The following ST3GAL3 variants were observed in gnomAD, a reference collection of about 807,000 sequenced individuals.
ST3GAL3 encodes the protein ST3 beta-galactoside alpha-2,3-sialyltransferase 3.
A neutral mutation model predicts 50.1 loss-of-function variants in ST3GAL3; 21 were observed. The ratio of observed to expected loss-of-function variants is 0.42; its 90% CI spans 0.30 to 0.60. The LOEUF is 0.60. ST3GAL3 is among the 20% of genes least tolerant of loss of function. The pLI, the probability that ST3GAL3 is intolerant of heterozygous loss-of-function variation, is 0.19. For synonymous variants in ST3GAL3, 183 were observed against 190.0 expected (o/e 0.96, Z 0.30); for missense variants, 353 against 489.4 (o/e 0.72, Z 2.63).
chr1:43,823,495 A>G (rs961799543), intron 4 of ST3GAL3, among the ~76,000 whole-genome samples: 1 of 152,214 alleles, frequency 6.6e-6, no homozygotes, highest in South Asian at 2.1e-4. Context: ...TTTTTAGAAC[A>G]TAGTTCAAAT....
At chr1:43,729,910 G>C (rs1345784139) in intron 1 of ST3GAL3, among the ~76,000 whole-genome samples, 2 of 151,408 alleles carry the variant, frequency 1.3e-5, no homozygotes, top group East Asian at 3.9e-4. Flanking sequence ...AATTTTGTTA[G>C]ATATTTTCAA....
Position 43,899,670 on chromosome 1 carries a change from C to G in ST3GAL3, c.687C>G (p.Ala229=). ...AGCGCGATTCTCTCTTTGTCCTCGC[C>G]GGCTTCAAGTGGCAGGACTTTAAGT... ...QYERDSLFVL[A]GFKWQDFKWL... The change falls in exon 9 of 12, where the codon GCC becomes GCG. Residue 229 remains alanine, a synonymous_variant. Transcript: ENST00000347631. This position sits in a 1 kb window ranked among gnomAD's most constrained non-coding sequence, Gnocchi z 5.4. 6.2e-7 allele frequency: 1 copy of G among 1,614,122 alleles called. No individual in the cohort carries two copies. Among genetic ancestry groups the G allele is most frequent in the Non-Finnish European group, 8.5e-7 (1 of 1,180,022 alleles).
intron 2 of ST3GAL3, chr1:43,736,763 G>T (rs1354637272): frequency 9.2e-6 from 3 of 327,264 alleles, no homozygotes; most frequent in Non-Finnish European, 1.8e-5. Context: ...GTTTCCATCT[G>T]CCCTTAAAAC....
At chr1:43,857,573 T>C (rs941167659) in intron 5 of ST3GAL3, among the ~76,000 whole-genome samples, 1 of 68,184 alleles carries the variant, frequency 1.5e-5, no homozygotes, top group Non-Finnish European at 3.0e-5. Flanking sequence ...CCTTCTTTCT[T>C]TCCTTCCTCC....
chr1:43,714,301 A>G (rs1666250117), intron 1 of ST3GAL3, among the ~76,000 whole-genome samples: 1 of 149,354 alleles, frequency 6.7e-6, no homozygotes, highest in Non-Finnish European at 1.5e-5. Flanking sequence ...AAATTTAAAC[A>G]TTGTTGCTGG....
chr1:43,839,880 G>T (rs553596554), intron 5 of ST3GAL3: 8 of 152,116 alleles, frequency 5.3e-5, no homozygotes, highest in Non-Finnish European at 1.2e-4. Flanking sequence ...GAAGTGCTAC[G>T]CACTTTTAAA....
chr1:43,811,927 C>T (rs1040805844), intron 3 of ST3GAL3, among the ~76,000 whole-genome samples: 4 of 152,204 alleles, frequency 2.6e-5, no homozygotes, highest in Non-Finnish European at 5.9e-5. Flanking sequence ...TTTAGAATTA[C>T]GTGATAAGTA....
intron 1 of ST3GAL3, among the ~76,000 whole-genome samples, chr1:43,711,013 C>A (rs1029974784): frequency 1.3e-5 from 2 of 152,184 alleles, no homozygotes; most frequent in African/African-American, 4.8e-5. Context: ...AGCTTTGAAT[C>A]AGGATGGATG....
chr1:43,780,340 T>G (rs1205216531), intron 2 of ST3GAL3, among the ~76,000 whole-genome samples: 2 of 152,074 alleles, frequency 1.3e-5, no homozygotes, highest in Non-Finnish European at 2.9e-5. Context: ...CTGTTTGTAG[T>G]TGTTCTCTCT....
At position 43,893,172 on chromosome 1, in the gene ST3GAL3, G is replaced by T. The variant is rs866233623; in HGVS notation, c.303-1211G>T. On this transcript the variant is annotated intron_variant, in intron 5 of 11. Coordinates refer to ENST00000347631, the MANE Select transcript of ST3GAL3 (RefSeq NM_006279.5). The stretch of plus-strand genomic sequence containing the variant: ...GATACTATTCCTCCTGGGACTGCTG[G>T]TTATAATGGTGTTAGTGATGATAGG... Among the ~76,000 whole-genome samples, 3 of 152,326 alleles carry T rather than the reference G, an allele frequency of 2.0e-5. No individual in the cohort carries two copies. In the East Asian group the frequency reaches 5.8e-4, roughly 29 times the overall value.
chr1:43,798,826 C>T (rs1381441408), intron 3 of ST3GAL3, among the ~76,000 whole-genome samples: 7 of 152,122 alleles, frequency 4.6e-5, no homozygotes, highest in Admixed American at 1.3e-4. Flanking sequence ...ACTGTATCGC[C>T]GGTATTTAGA....
chr1:43,802,136 G>T (rs182225839), intron 3 of ST3GAL3, among the ~76,000 whole-genome samples: 7 of 152,224 alleles, frequency 4.6e-5, no homozygotes, highest in South Asian at 2.1e-4. Context: ...ACTAGAGCTT[G>T]TTTCGGTGTT....
rs143546904 is a variant in ST3GAL3 at position 43,881,232 on chromosome 1, A to G, written c.303-13151A>G. The stretch of plus-strand genomic sequence containing the variant: ...CACCATGTTGGCCAGGCTGGTCTTG[A>G]ACTCCCGACCTCAGGTGATCCACCC... On this transcript the variant is annotated intron_variant, in intron 5 of 11. Transcript: ENST00000347631. 3.2e-3 allele frequency among the ~76,000 whole-genome samples: 483 copies of G among 152,268 alleles called. 1 individual carries two copies. Among genetic ancestry groups the G allele is most frequent in the African/African-American group, 0.011 (460 of 41,546 alleles).
chr1:43,894,520 G>A (rs775076960), intron 6 of ST3GAL3, 43 bp downstream of exon 6: 12 of 1,561,500 alleles, frequency 7.7e-6, no homozygotes, highest in Admixed American at 1.7e-5. Flanking sequence ...TCATCCCCCC[G>A]ACTGTCTCCC....
At chr1:43,806,329 A>G (rs1373100003) in intron 3 of ST3GAL3, among the ~76,000 whole-genome samples, 2 of 152,210 alleles carry the variant, frequency 1.3e-5, no homozygotes, top group Non-Finnish European at 2.9e-5. Flanking sequence ...GCTCTCAGGC[A>G]TAAAGGCTCT....
chr1:43,809,575 T>C (rs980794510), intron 3 of ST3GAL3, among the ~76,000 whole-genome samples: 2 of 152,100 alleles, frequency 1.3e-5, no homozygotes, highest in African/African-American at 4.8e-5. Context: ...TGCTTGTCTG[T>C]AGTCCTAGCT....
intron 9 of ST3GAL3, among the ~76,000 whole-genome samples, chr1:43,903,956 A>G (rs1487524055): frequency 1.3e-5 from 2 of 152,202 alleles, no homozygotes; most frequent in East Asian, 3.9e-4. Context: ...AGCATCTAGC[A>G]TAGAGAACTT....
intron 3 of ST3GAL3, among the ~76,000 whole-genome samples, chr1:43,813,899 A>ACG (rs1219369827): frequency 1.4e-3 from 55 of 38,748 alleles, no homozygotes; most frequent in African/African-American, 3.0e-3. Context: ...ACACACGCAC[A>ACG]CACGCACACA....
chr1:43,902,850 C>CT (rs1463365544), intron 9 of ST3GAL3, among the ~76,000 whole-genome samples: 1 of 152,208 alleles, frequency 6.6e-6, no homozygotes, highest in Non-Finnish European at 1.5e-5. Flanking sequence ...TTTGCAGGCT[C>CT]TACACTGGCC....
Sources: gnomAD v4.1 joint callset for allele counts (sites outside exome capture counted in the v4.1 genomes callset) on GRCh38, gnomAD v4.1.1 for gene constraint, Gnocchi (gnomAD v3.1) non-coding constraint, MANE v1.5 for transcripts, NCBI Gene and HGNC (gene_info 2026-07-23, HGNC 2026-07-21) for gene names.